KIAA1328: variants seen among roughly 807,000 people sequenced by gnomAD.
The protein encoded by KIAA1328 is protein hinderin.
KIAA1328 carries 52 observed loss-of-function variants against 68.1 expected under a neutral mutation model. That is an observed-to-expected ratio of 0.76 (90% CI 0.61 to 0.96). The LOEUF (loss-of-function observed/expected upper bound fraction) is 0.96. Among genes scored for constraint, KIAA1328 ranks in the 40% least tolerant of loss-of-function variants. KIAA1328 has a pLI of 0.00. For synonymous variants in KIAA1328, 232 were observed against 239.4 expected (o/e 0.97, Z 0.28); for missense variants, 641 against 677.6 (o/e 0.95, Z 0.60).
At chr18:37,049,968 G>A (rs530092438) in intron 6 of KIAA1328, among the ~76,000 whole-genome samples, 2 of 152,294 alleles carry the variant, frequency 1.3e-5, no homozygotes, top group Non-Finnish European at 2.9e-5. Context: ...CTGGGTTTGT[G>A]CAGATAGTGT....
intron 5 of KIAA1328, among the ~76,000 whole-genome samples, chr18:36,929,914 A>T (rs558288359): frequency 6.6e-6 from 1 of 152,232 alleles, no homozygotes; most frequent in Middle Eastern, 3.4e-3. Flanking sequence ...TGTGTAAGAC[A>T]GTTGGGTGGT....
At chr18:36,926,144 G>A (rs1313751403) in intron 5 of KIAA1328, among the ~76,000 whole-genome samples, 1 of 151,962 alleles carries the variant, frequency 6.6e-6, no homozygotes, top group Non-Finnish European at 1.5e-5. Context: ...TAAGTTTCTT[G>A]GGTGCTAATT....
At chr18:36,863,903 T>G (rs995825281) in intron 4 of KIAA1328, among the ~76,000 whole-genome samples, 1 of 152,230 alleles carries the variant, frequency 6.6e-6, no homozygotes, top group Non-Finnish European at 1.5e-5. Flanking sequence ...TCTAGGAGTT[T>G]TGCTGTTTAT....
At chr18:36,902,402 AT>A (rs1413813613) in intron 5 of KIAA1328, 7 of 151,940 alleles carry the variant, frequency 4.6e-5, no homozygotes, top group African/African-American at 1.7e-4. Context: ...TGAAAATTTC[AT>A]TTGCCTTTTT....
At chr18:36,832,884 T>A (rs535993597) in intron 1 of KIAA1328, 1 of 151,122 alleles carries the variant, frequency 6.6e-6, no homozygotes, top group Non-Finnish European at 1.5e-5. Context: ...TTGCCCAGGC[T>A]GGAGTGCAGT....
At chr18:37,085,411 CCTT>C (rs1352060819) in intron 7 of KIAA1328, among the ~76,000 whole-genome samples, 2 of 152,094 alleles carry the variant, frequency 1.3e-5, no homozygotes, top group Non-Finnish European at 2.9e-5. Flanking sequence ...TGAATACATT[CCTT>C]CTTATTTTTG....
chr18:37,162,326 T>G (rs747199748), intron 8 of KIAA1328, among the ~76,000 whole-genome samples: 50 of 152,266 alleles, frequency 3.3e-4, no homozygotes, highest in Non-Finnish European at 6.0e-4. Context: ...AGTTTTTATT[T>G]TAAGGCATTC....
chr18:36,921,473 G>A (rs1334581587), intron 5 of KIAA1328, among the ~76,000 whole-genome samples: 1 of 151,846 alleles, frequency 6.6e-6, no homozygotes, highest in African/African-American at 2.4e-5. Flanking sequence ...GCGTCATATC[G>A]GCTCACTGTA....
intron 6 of KIAA1328, among the ~76,000 whole-genome samples, chr18:37,008,375 G>A (rs1447973208): frequency 6.6e-6 from 1 of 152,196 alleles, no homozygotes; most frequent in African/African-American, 2.4e-5. Flanking sequence ...AACTCGTGGT[G>A]TAAACCAAAC....
downstream of KIAA1328, among the ~76,000 whole-genome samples, chr18:37,228,336 A>G (rs1355872908): frequency 6.6e-6 from 1 of 152,244 alleles, no homozygotes; most frequent in African/African-American, 2.4e-5. Context: ...GATGTTCTAC[A>G]GTGGGTAAAA....
At position 37,223,004 on chromosome 18, in the gene KIAA1328, C is replaced by T. The variant is rs2060591037; in HGVS notation, c.*777C>T. On this transcript the variant is annotated 3_prime_UTR_variant, in exon 10 of 10. Transcript: ENST00000280020. ...TCCAATATCCCAGAATGAATAAGAA[C>T]AATCCCTAGGTATTTTTATTTACCC... is the stretch of plus-strand genomic sequence containing the variant. 4.1e-6 allele frequency: 4 copies of T among 985,432 alleles called. No individual in the cohort carries two copies. In the African/African-American group the frequency reaches 7.0e-5, roughly 17 times the overall value. 61.0% of individuals were successfully genotyped at this position (985,432 alleles called of 1,614,324 possible).
chr18:37,071,368 C>T (rs544771869), intron 7 of KIAA1328, among the ~76,000 whole-genome samples: 4 of 152,014 alleles, frequency 2.6e-5, no homozygotes, highest in South Asian at 2.1e-4. Context: ...GCACCGCACC[C>T]GGCCCAGACA....
chr18:37,050,696 C>A (rs2055658434), intron 6 of KIAA1328, among the ~76,000 whole-genome samples: 1 of 152,162 alleles, frequency 6.6e-6, no homozygotes, highest in Admixed American at 6.5e-5. Context: ...GTGTCTCTTT[C>A]AGGTTGAATG....
intron 5 of KIAA1328, among the ~76,000 whole-genome samples, chr18:36,944,089 G>A (rs1331079953): frequency 1.3e-5 from 2 of 152,186 alleles, no homozygotes; most frequent in East Asian, 3.8e-4. Flanking sequence ...AGAATTGGAT[G>A]TTTATCAATT....
rs756834650 is a variant in KIAA1328, at chr18:37,222,151, G to T, written c.1658G>T (p.Arg553Leu). 6.2e-7 allele frequency: 1 copy of T among 1,608,362 alleles called. No homozygotes were observed. Among genetic ancestry groups the T allele is most frequent in the Non-Finnish European group, 8.5e-7 (1 of 1,177,168 alleles). ...TFRLSPLKST[R>L]KKMGMHRTPE... ...CGACTCAGTCCTCTAAAATCAACCC[G>T]GAAGAAGATGGGGATGCACAGAACC... Residue 553 changes from arginine to leucine, a missense_variant, in exon 10 of 10, where the codon CGG (arginine) becomes CTG (leucine). By Grantham distance (102) the Arg-to-Leu change is moderately radical (BLOSUM62 -2). Coordinates refer to ENST00000280020, the MANE Select transcript of KIAA1328 (RefSeq NM_020776.3).
chr18:37,035,105 A>G (rs934394211), intron 6 of KIAA1328, among the ~76,000 whole-genome samples: 2 of 152,232 alleles, frequency 1.3e-5, no homozygotes, highest in Admixed American at 1.3e-4. Flanking sequence ...GATATAGACC[A>G]GTCATAGGGG....
intron 6 of KIAA1328, among the ~76,000 whole-genome samples, chr18:37,062,034 C>G (rs146774189): frequency 6.6e-6 from 1 of 152,118 alleles, no homozygotes; most frequent in Admixed American, 6.5e-5. Context: ...ATGGTCCACG[C>G]GCTTTATATG....
Position 36,923,307 on chromosome 18 carries a change from T to A in KIAA1328, c.449-36001T>A, listed in dbSNP as rs574365762. 5.3e-5 allele frequency among the ~76,000 whole-genome samples: 8 copies of A among 152,146 alleles called. No homozygotes were observed. The East Asian group carries it at 1.5e-3, about 29-fold the overall frequency. ...GAAGTTTACAGGATTATAATAAGGA[T>A]CATGGAGGAAATCAATGAAACAAAC... is the stretch of plus-strand genomic sequence containing the variant. On this transcript the variant is annotated intron_variant, in intron 5 of 9. Coordinates refer to ENST00000280020, the MANE Select transcript of KIAA1328 (RefSeq NM_020776.3).
At position 37,163,556 on chromosome 18, in the gene KIAA1328, A is replaced by AT. The variant is rs1005409415; in HGVS notation, c.1414+3184dup. Among the ~76,000 whole-genome samples, 32 of 151,078 alleles carry AT rather than the reference A, an allele frequency of 2.1e-4. 1 individual carries two copies. The South Asian group carries it at 3.6e-3, about 17-fold the overall frequency. On this transcript the variant is annotated intron_variant, in intron 8 of 9. Coordinates refer to ENST00000280020, the MANE Select transcript of KIAA1328 (RefSeq NM_020776.3). The stretch of plus-strand genomic sequence containing the variant: ...GTCCCCTAGTAACTCCCAAACACAT[A>AT]TTTTTTTTTACTGGAAGATGATTAT...
Sources: allele counts gnomAD v4.1 joint callset (sites outside exome capture counted in the v4.1 genomes callset), GRCh38; gene constraint gnomAD v4.1.1; transcripts MANE v1.5; gene names NCBI Gene and HGNC (gene_info 2026-07-23, HGNC 2026-07-21).